Variants in ROCK2 observed in about 807,000 individuals in gnomAD.
ROCK2 encodes Rho associated coiled-coil containing protein kinase 2, also known as rho-associated protein kinase 2.
ROCK2 carries 61 observed loss-of-function variants against 195.1 expected under a neutral mutation model. The observed-to-expected ratio is 0.31, with a 90% CI of 0.25 to 0.39. ROCK2 has a LOEUF of 0.39. ROCK2 is among the 10% of genes least tolerant of loss of function. ROCK2 has a pLI of 1.00. For missense variants in ROCK2, 1,109 were observed against 1,637.4 expected, an observed-to-expected ratio of 0.68 and a Z score of 5.57; for synonymous variants, 504 against 545.5, an observed-to-expected ratio of 0.92 and a Z score of 1.06.
intron 1 of ROCK2, among the ~76,000 whole-genome samples, chr2:11,295,108 T>C (rs528625844): frequency 4.0e-4 from 59 of 146,294 alleles, no homozygotes; most frequent in African/African-American, 1.4e-3. Context: ...AGATTTCTTA[T>C]GGCTTATAAA....
intron 1 of ROCK2, among the ~76,000 whole-genome samples, chr2:11,290,309 T>A (rs892976222): frequency 3.9e-5 from 6 of 152,056 alleles, no homozygotes; most frequent in African/African-American, 1.4e-4. Context: ...TTTCTTTAAG[T>A]GACCCTAAAC....
intron 3 of ROCK2, among the ~76,000 whole-genome samples, chr2:11,278,856 C>T (rs1666911596): frequency 6.6e-6 from 1 of 152,114 alleles, no homozygotes. Context: ...TCAGTTGATC[C>T]ACCCGCCTTG....
At chr2:11,301,138 A>G (rs1304822121) in intron 1 of ROCK2, among the ~76,000 whole-genome samples, 1 of 152,190 alleles carries the variant, frequency 6.6e-6, no homozygotes, top group Admixed American at 6.5e-5. Flanking sequence ...CCATTAATAA[A>G]GTAATATTTA....
At chr2:11,230,017 C>CTA (rs1185684335) in intron 5 of ROCK2, among the ~76,000 whole-genome samples, 1 of 152,018 alleles carries the variant, frequency 6.6e-6, no homozygotes, top group Non-Finnish European at 1.5e-5. Flanking sequence ...TTTTAATATG[C>CTA]TATATATACA....
intron 1 of ROCK2, among the ~76,000 whole-genome samples, chr2:11,338,221 C>T (rs1668990998): frequency 6.6e-6 from 1 of 152,006 alleles, no homozygotes; most frequent in South Asian, 2.1e-4. Flanking sequence ...TACAGTGGCA[C>T]AGGCCTGTAG....
chr2:11,183,334 G>A lies in ROCK2; in HGVS notation c.*103C>T, dbSNP rs1663073857. 3 of 901,550 alleles carry A rather than the reference G, an allele frequency of 3.3e-6. No individual in the cohort carries two copies. The South Asian group carries it at 4.8e-5, about 14-fold the overall frequency. The allele number at this position is 901,550 out of a possible 1,614,324, so 55.8% of individuals were successfully genotyped here. A position where few individuals can be genotyped will look rare whatever the true frequency, so the allele number is the denominator to read the frequency against. On this transcript the variant is annotated 3_prime_UTR_variant, in exon 33 of 33. Transcript: ENST00000315872. Reference sequence around the variant, plus strand: ...ATGAGTGTATGTATCAGTCTCTCAGGAAAATATAGCTTTTTAATAAATTTT... The same window carrying A: ...ATGAGTGTATGTATCAGTCTCTCAGAAAAATATAGCTTTTTAATAAATTTT...
chr2:11,241,611 C>T (rs1009512643), intron 4 of ROCK2, among the ~76,000 whole-genome samples: 25 of 152,118 alleles, frequency 1.6e-4, no homozygotes, highest in Non-Finnish European at 2.9e-4. Flanking sequence ...CAGATCTATG[C>T]ACAGATGGAT....
chr2:11,244,778 A>G, intron 4 of ROCK2, among the ~76,000 whole-genome samples: 1 of 152,102 alleles, frequency 6.6e-6, no homozygotes, highest in Non-Finnish European at 1.5e-5. Context: ...AAAAAGAAAA[A>G]AAAAAGAATT....
At chr2:11,262,716 ACTT>A (rs1333224050) in intron 3 of ROCK2, among the ~76,000 whole-genome samples, 4 of 152,040 alleles carry the variant, frequency 2.6e-5, no homozygotes, top group African/African-American at 9.7e-5. Context: ...AGTCCAATAA[ACTT>A]CTTTCTTTTG....
upstream of ROCK2, among the ~76,000 whole-genome samples, chr2:11,345,348 G>C (rs1270148051): frequency 6.6e-6 from 1 of 152,188 alleles, no homozygotes; most frequent in Non-Finnish European, 1.5e-5. Context: ...CTCCTTTTGG[G>C]GGGCGGAAGA....
At chr2:11,281,204 T>G (rs10168440) in intron 3 of ROCK2, among the ~76,000 whole-genome samples, 108,469 of 134,274 alleles carry the variant, frequency 0.81, 44,959 homozygotes, top group East Asian at 0.98. Flanking sequence ...ACCCACTCAT[T>G]ATTTAAAAAA....
intron 4 of ROCK2, among the ~76,000 whole-genome samples, chr2:11,236,711 T>C (rs61646530): frequency 0.034 from 5,171 of 152,080 alleles, 284 homozygotes; most frequent in African/African-American, 0.12. Flanking sequence ...CAAACACAAG[T>C]CTTCCACAGA....
chr2:11,302,450 G>A (rs1432845588), intron 1 of ROCK2, among the ~76,000 whole-genome samples: 3 of 152,070 alleles, frequency 2.0e-5, no homozygotes, highest in Admixed American at 2.0e-4. Context: ...TGGGATTACA[G>A]GCACCCCTAA....
intron 1 of ROCK2, among the ~76,000 whole-genome samples, chr2:11,337,165 A>C (rs547693083): frequency 1.3e-5 from 2 of 152,146 alleles, no homozygotes; most frequent in East Asian, 1.9e-4. Context: ...GAATCACTTA[A>C]ACCCATGAGG....
At chr2:11,294,429 T>C (rs1176516633) in intron 1 of ROCK2, among the ~76,000 whole-genome samples, 4 of 152,210 alleles carry the variant, frequency 2.6e-5, no homozygotes, top group Non-Finnish European at 5.9e-5. Flanking sequence ...TGGTGTTAAT[T>C]ATATGGTGTT....
intron 1 of ROCK2, chr2:11,308,329 A>G (rs1667927546): frequency 2.6e-6 from 3 of 1,142,918 alleles, no homozygotes; most frequent in African/African-American, 1.5e-5. Context: ...ATATTCTTAC[A>G]TATAATAAAG....
intron 29 of ROCK2, 124 bp downstream of exon 29, chr2:11,194,132 G>T (rs1345970710): frequency 2.1e-6 from 1 of 469,676 alleles, no homozygotes; most frequent in Non-Finnish European, 3.8e-6. Flanking sequence ...TCTGTATGAA[G>T]CAAATCACAG....
intron 1 of ROCK2, among the ~76,000 whole-genome samples, chr2:11,289,319 C>T (rs1222851069): frequency 6.6e-6 from 1 of 152,084 alleles, no homozygotes; most frequent in African/African-American, 2.4e-5. Context: ...AGGATTCTAA[C>T]ATTTGAGCAT....
At chr2:11,208,915 C>T (rs1664154569) in intron 18 of ROCK2, among the ~76,000 whole-genome samples, 1 of 152,148 alleles carries the variant, frequency 6.6e-6, no homozygotes, top group Non-Finnish European at 1.5e-5. Context: ...TTAATATTTT[C>T]ACTTTCATAC....
Sources: gnomAD v4.1 joint callset for allele counts (sites outside exome capture counted in the v4.1 genomes callset) on GRCh38, gnomAD v4.1.1 for gene constraint, MANE v1.5 for transcripts, NCBI Gene and HGNC (gene_info 2026-07-23, HGNC 2026-07-21) for gene names.